The following PPP3CC variants were observed in gnomAD, a reference collection of about 807,000 sequenced individuals.
PPP3CC encodes protein phosphatase 3 catalytic subunit gamma.
Under a neutral mutation model 60.3 loss-of-function variants are expected in PPP3CC, and 35 were observed. The ratio of observed to expected loss-of-function variants is 0.58; its 90% CI spans 0.44 to 0.77. The LOEUF (loss-of-function observed/expected upper bound fraction) is 0.77, where lower values mean the gene tolerates loss of function less well. PPP3CC is among the 30% of genes least tolerant of loss of function. PPP3CC has a pLI of 0.00. For synonymous variants in PPP3CC, 206 were observed against 224.3 expected (o/e 0.92, Z 0.73); for missense variants, 570 against 628.9 (o/e 0.91, Z 1.00).
At chr8:22,467,779 G>C (rs1256934691) in intron 1 of PPP3CC, among the ~76,000 whole-genome samples, 1 of 152,176 alleles carries the variant, frequency 6.6e-6, no homozygotes, top group East Asian at 1.9e-4. Context: ...GTGAACAACA[G>C]AAATTTATTT....
At chr8:22,540,489 G>A (rs918126841) in intron 13 of PPP3CC, 126 bp from the exon 14 acceptor site, 18 of 902,918 alleles carry the variant, frequency 2.0e-5, no homozygotes, top group South Asian at 1.4e-4. Flanking sequence ...TTCACTAGAC[G>A]TGTGCTCCAT....
intron 3 of PPP3CC, among the ~76,000 whole-genome samples, chr8:22,497,590 C>G (rs182293102): frequency 6.6e-6 from 1 of 152,168 alleles, no homozygotes; most frequent in Non-Finnish European, 1.5e-5. Context: ...TTTCTTTACC[C>G]ATTCTTAACC....
At chr8:22,498,614 T>A (rs1228179252) in intron 4 of PPP3CC, among the ~76,000 whole-genome samples, 1 of 152,234 alleles carries the variant, frequency 6.6e-6, no homozygotes, top group Non-Finnish European at 1.5e-5. Flanking sequence ...ATGTACTGTT[T>A]AATACATTTC....
chr8:22,499,267 G>A (rs1490885122), intron 4 of PPP3CC, among the ~76,000 whole-genome samples: 3 of 149,460 alleles, frequency 2.0e-5, no homozygotes, highest in Admixed American at 6.7e-5. Flanking sequence ...GTGAAACCCC[G>A]TCTCTACTAA....
chr8:22,477,439 A>G (rs1563713114), intron 3 of PPP3CC, among the ~76,000 whole-genome samples: 1 of 150,936 alleles, frequency 6.6e-6, no homozygotes, highest in Admixed American at 6.7e-5. Context: ...GTGCCGCTAC[A>G]CTCCAGCCTG....
chr8:22,536,960 A>C (rs2117159826), intron 12 of PPP3CC, among the ~76,000 whole-genome samples: 1 of 152,316 alleles, frequency 6.6e-6, no homozygotes, highest in East Asian at 1.9e-4. Context: ...GTAAATAAAA[A>C]TAAAGCCAAT....
chr8:22,465,619 T>C, intron 1 of PPP3CC, among the ~76,000 whole-genome samples: 1 of 152,150 alleles, frequency 6.6e-6, no homozygotes, highest in African/African-American at 2.4e-5. Context: ...GCCCTTCCAC[T>C]ATGGGATGAT....
chr8:22,491,072 G>A (rs890088391), intron 3 of PPP3CC, among the ~76,000 whole-genome samples: 6 of 152,122 alleles, frequency 3.9e-5, no homozygotes, highest in Admixed American at 2.6e-4. Context: ...TGACACTTTA[G>A]TTTTCTCTTT....
intron 3 of PPP3CC, among the ~76,000 whole-genome samples, chr8:22,487,460 C>G (rs1446238329): frequency 1.3e-5 from 2 of 151,980 alleles, no homozygotes; most frequent in African/African-American, 2.4e-5. Flanking sequence ...CCTGTCTCTA[C>G]TAAAAATACA....
At chr8:22,443,664 T>A (rs1259411003) in intron 1 of PPP3CC, among the ~76,000 whole-genome samples, 1 of 152,210 alleles carries the variant, frequency 6.6e-6, no homozygotes, top group Non-Finnish European at 1.5e-5. Context: ...TTAAGACTGC[T>A]CTTAAATAAA....
chr8:22,535,327 G>A (rs7000566), intron 12 of PPP3CC, among the ~76,000 whole-genome samples: 2,448 of 152,130 alleles, frequency 0.016, 65 homozygotes, highest in African/African-American at 0.056. Flanking sequence ...AAACATGCAA[G>A]GGGAAGAGAC....
At chr8:22,441,885 G>T (rs969859774) in intron 1 of PPP3CC, among the ~76,000 whole-genome samples, 1 of 152,108 alleles carries the variant, frequency 6.6e-6, no homozygotes, top group Non-Finnish European at 1.5e-5. Context: ...TATACCATGT[G>T]CCTTTTGACC....
At chr8:22,455,486 TG>T (rs1837170049) in intron 1 of PPP3CC, among the ~76,000 whole-genome samples, 1 of 152,206 alleles carries the variant, frequency 6.6e-6, no homozygotes, top group Non-Finnish European at 1.5e-5. Context: ...TGCCTACGTA[TG>T]TTTTTTTCTT....
At chr8:22,492,985 A>G in intron 3 of PPP3CC, 1 of 1,273,908 alleles carries the variant, frequency 7.8e-7, no homozygotes, top group Non-Finnish European at 1.1e-6. Context: ...CTGCCCAAAC[A>G]GTCTGTGAAT....
intron 4 of PPP3CC, among the ~76,000 whole-genome samples, chr8:22,499,401 T>TGCAGTCC (rs886552321): frequency 6.8e-6 from 1 of 147,980 alleles, no homozygotes; most frequent in African/African-American, 2.5e-5. Flanking sequence ...ATTGCGCCAC[T>TGCAGTCC]GCAGTCCGCA....
At chr8:22,456,998 T>A (rs1389750978) in intron 1 of PPP3CC, among the ~76,000 whole-genome samples, 1 of 22,214 alleles carries the variant, frequency 4.5e-5, no homozygotes, top group Admixed American at 4.5e-4. Flanking sequence ...CCTCCCTCCC[T>A]CCCTCCCTCC....
chr8:22,525,530 C>CT (rs952996071), intron 8 of PPP3CC, among the ~76,000 whole-genome samples: 13 of 89,398 alleles, frequency 1.5e-4, no homozygotes, highest in Admixed American at 1.2e-3. Flanking sequence ...TTCTTTCTTT[C>CT]TTTCTTTCTC....
intron 1 of PPP3CC, among the ~76,000 whole-genome samples, chr8:22,457,463 C>T (rs930912222): frequency 3.2e-4 from 49 of 152,006 alleles, no homozygotes; most frequent in African/African-American, 8.2e-4. Flanking sequence ...CCACCATGCC[C>T]GACTAATTTT....
intron 3 of PPP3CC, among the ~76,000 whole-genome samples, chr8:22,482,304 A>G (rs753899389): frequency 2.4e-4 from 37 of 152,020 alleles, no homozygotes; most frequent in Non-Finnish European, 4.3e-4. Flanking sequence ...GCTTTTTTTC[A>G]TATATTTGTT....
Sources: allele counts gnomAD v4.1 joint callset (sites outside exome capture counted in the v4.1 genomes callset), GRCh38; gene constraint gnomAD v4.1.1; transcripts MANE v1.5; gene names NCBI Gene and HGNC (gene_info 2026-07-23, HGNC 2026-07-21).